Variants in PCF11 observed in about 807,000 individuals in gnomAD.
PCF11 encodes the protein PCF11 cleavage and polyadenylation factor subunit.
In PCF11, 19 loss-of-function variants were observed where a neutral mutation model predicts 166.1. The observed-to-expected ratio is 0.11, with a 90% CI of 0.08 to 0.17. PCF11 has a LOEUF of 0.17. Among genes scored for constraint, PCF11 ranks in the 10% least tolerant of loss-of-function variants. The pLI is 1.00. For missense variants in PCF11, 1,565 were observed against 1,855.5 expected (o/e 0.84, Z 2.88); for synonymous variants, 663 against 644.1 (o/e 1.03, Z -0.44).
chr11:83,163,915 T>G (rs550416025), intron 3 of PCF11, 48 bp downstream of exon 3: 3 of 875,914 alleles, frequency 3.4e-6, no homozygotes, highest in Non-Finnish European at 5.0e-6. Flanking sequence ...AGTATCACAT[T>G]TTGAATTCTT....
intron 11 of PCF11, chr11:83,180,565 A>C (rs139747281): frequency 6.5e-6 from 1 of 152,684 alleles, no homozygotes; most frequent in African/African-American, 2.4e-5. Flanking sequence ...TTAGTTATCC[A>C]TACTATTATT....
chr11:83,175,862 A>G (rs1267982337), intron 9 of PCF11, among the ~76,000 whole-genome samples: 2 of 152,254 alleles, frequency 1.3e-5, no homozygotes, highest in African/African-American at 4.8e-5. Flanking sequence ...CAAGCAGAAC[A>G]AGATTGTTAG....
intron 1 of PCF11, chr11:83,158,534 GTCC>G (rs1860096834): frequency 1.3e-5 from 2 of 152,136 alleles, no homozygotes; most frequent in South Asian, 2.1e-4. Context: ...TTTCCCTGTA[GTCC>G]TCCTCTTCTG....
chr11:83,162,834 G>T (rs1347444935), intron 2 of PCF11, among the ~76,000 whole-genome samples: 1 of 152,162 alleles, frequency 6.6e-6, no homozygotes, highest in Non-Finnish European at 1.5e-5. Flanking sequence ...GAGTGCAATG[G>T]CACAATCTCG....
intron 9 of PCF11, among the ~76,000 whole-genome samples, chr11:83,173,524 T>TG (rs1006810966): frequency 1.8e-4 from 27 of 147,744 alleles, no homozygotes; most frequent in African/African-American, 3.7e-4. Context: ...TTGTTGTTGT[T>TG]TTTTTTTTTT....
intron 11 of PCF11, 21 bp downstream of exon 11, chr11:83,177,840 T>C: frequency 8.1e-7 from 1 of 1,242,032 alleles, no homozygotes; most frequent in South Asian, 1.4e-5. Flanking sequence ...TAATTTTCTT[T>C]AAGATAAAGA....
intron 1 of PCF11, among the ~76,000 whole-genome samples, chr11:83,160,089 A>G (rs1860173628): frequency 6.6e-6 from 1 of 152,104 alleles, no homozygotes; most frequent in South Asian, 2.1e-4. Context: ...CTTAAAAGAA[A>G]TTTTTCATAC....
In PCF11 at chr11:83,173,406, G is replaced by A. The variant is rs61900265; in HGVS notation, c.3757+1492G>A. 5.5e-4 allele frequency among the ~76,000 whole-genome samples: 83 copies of A among 151,654 alleles called. 1 individual carries two copies. Among genetic ancestry groups the A allele is most frequent in the Non-Finnish European group, 9.7e-4 (66 of 67,978 alleles). Reference sequence around the variant, plus strand: ...GGAGGTGGAGGTTGCAGTGAGCCAAGATCAGGCCACTGCACTTAGGCCTGG... The same window carrying A: ...GGAGGTGGAGGTTGCAGTGAGCCAAAATCAGGCCACTGCACTTAGGCCTGG... On this transcript the variant is annotated intron_variant, in intron 9 of 15. Transcript: ENST00000298281.
At chr11:83,160,598 T>G (rs1301199271) in intron 1 of PCF11, among the ~76,000 whole-genome samples, 2 of 152,016 alleles carry the variant, frequency 1.3e-5, no homozygotes, top group Non-Finnish European at 1.5e-5. Context: ...GGTTTGTGCA[T>G]GTCAGAGGAA....
intron 9 of PCF11, among the ~76,000 whole-genome samples, chr11:83,175,159 G>A (rs1565159450): frequency 6.6e-6 from 1 of 151,982 alleles, no homozygotes; most frequent in Non-Finnish European, 1.5e-5. Flanking sequence ...TTGAGATAGG[G>A]TCTTCTTGCT....
intron 2 of PCF11, among the ~76,000 whole-genome samples, chr11:83,162,415 C>T (rs1003124620): frequency 3.7e-4 from 56 of 152,184 alleles, no homozygotes; most frequent in African/African-American, 1.3e-3. Context: ...TAGAGAAAAA[C>T]AGTATATGCA....
At chr11:83,174,663 C>T (rs936321074) in intron 9 of PCF11, among the ~76,000 whole-genome samples, 1 of 152,062 alleles carries the variant, frequency 6.6e-6, no homozygotes, top group Non-Finnish European at 1.5e-5. Context: ...CTATTATTAC[C>T]CTTTTTACAG....
At chr11:83,165,681 C>T (rs372015374) in exon 5 of PCF11, 1 of 1,613,384 alleles carries the variant, frequency 6.2e-7, no homozygotes, top group Non-Finnish European at 8.5e-7. Flanking sequence ...TTCACAGATT[C>T]CCCCTATGGC....
intron 12 of PCF11, among the ~76,000 whole-genome samples, 157 bp from the exon 13 acceptor site, chr11:83,181,697 G>T (rs1052271950): frequency 6.6e-6 from 1 of 151,802 alleles, no homozygotes; most frequent in African/African-American, 2.4e-5. Context: ...GTTTCATGTT[G>T]TCATTAGTTA....
At chr11:83,157,432 G>C in exon 1 of PCF11, 1 of 1,605,206 alleles carries the variant, frequency 6.2e-7, no homozygotes, top group Non-Finnish European at 8.5e-7. Context: ...GAGGGGGGCC[G>C]CGGCGCAATG....
chr11:83,171,101 C>A, intron 8 of PCF11: 1 of 309,326 alleles, frequency 3.2e-6, no homozygotes, highest in Non-Finnish European at 6.4e-6. Context: ...ATTCACATAC[C>A]AGCAATATGT....
intron 15 of PCF11, among the ~76,000 whole-genome samples, chr11:83,183,832 AT>A: frequency 6.6e-6 from 1 of 152,186 alleles, no homozygotes; most frequent in South Asian, 2.1e-4. Context: ...GAATCTAAAA[AT>A]GATACCAGTC....
chr11:83,165,735 C>T (rs1463900033), exon 5 of PCF11: 25 of 1,613,536 alleles, frequency 1.5e-5, no homozygotes, highest in South Asian at 2.2e-5. Context: ...TGAGAAAAGC[C>T]GTCCAGGACC....
chr11:83,167,837 T>C lies in PCF11; in HGVS notation c.2092+332T>C, dbSNP rs758357146. ...CTCCTATATCTGGGAGTCGTACTTA[T>C]GCTGAGAATCTTTCACCCCATGAGG... On this transcript the variant is annotated intron_variant, in intron 7 of 15. Coordinates refer to ENST00000298281, the Ensembl canonical transcript of PCF11. This position sits in a 1 kb window ranked among gnomAD's most constrained non-coding sequence, Gnocchi z 4.2. 4.5e-6 allele frequency: 6 copies of C among 1,320,678 alleles called. No individual in the cohort carries two copies. Among genetic ancestry groups the C allele is most frequent in the East Asian group, 4.9e-5 (1 of 20,252 alleles). 81.8% of individuals were successfully genotyped at this position (1,320,678 alleles called of 1,614,324 possible). A position where few individuals can be genotyped will look rare whatever the true frequency, so the allele number is the denominator to read the frequency against.
Sources: gnomAD v4.1 joint callset for allele counts (sites outside exome capture counted in the v4.1 genomes callset) on GRCh38, gnomAD v4.1.1 for gene constraint, Gnocchi (gnomAD v3.1) non-coding constraint, MANE v1.5 for transcripts, NCBI Gene and HGNC (gene_info 2026-07-23, HGNC 2026-07-21) for gene names.